The following NALF1 variants were observed in gnomAD, a reference collection of about 807,000 sequenced individuals.
NALF1 encodes NALCN channel auxiliary factor 1, also known as family with sequence similarity 155 member A.
A neutral mutation model predicts 48.4 loss-of-function variants in NALF1; 3 were observed. The ratio of observed to expected loss-of-function variants is 0.06; its 90% CI spans 0.03 to 0.16. The LOEUF (loss-of-function observed/expected upper bound fraction) is 0.16. Among genes scored for constraint, NALF1 ranks in the 10% least tolerant of loss-of-function variants. The pLI is 1.00. For synonymous variants in NALF1, 262 were observed against 245.7 expected, an observed-to-expected ratio of 1.07 and a Z score of -0.62; for missense variants, 526 against 571.5, an observed-to-expected ratio of 0.92 and a Z score of 0.81.
intron 1 of NALF1, among the ~76,000 whole-genome samples, chr13:107,254,902 G>C (rs1305744858): frequency 6.6e-6 from 1 of 152,160 alleles, no homozygotes; most frequent in Non-Finnish European, 1.5e-5. Flanking sequence ...ACACACAGTA[G>C]TGGTAAGTAA....
chr13:107,298,374 A>AG, intron 1 of NALF1, among the ~76,000 whole-genome samples: 1 of 149,594 alleles, frequency 6.7e-6, no homozygotes, highest in African/African-American at 2.4e-5. Context: ...AAAAAAAAAA[A>AG]AAAAAAGACA....
intron 1 of NALF1, among the ~76,000 whole-genome samples, chr13:107,452,936 G>T (rs80059780): frequency 0.038 from 5,738 of 152,264 alleles, 213 homozygotes; most frequent in African/African-American, 0.092. Flanking sequence ...GGGCAGTAAT[G>T]AAATCTTAAA....
intron 1 of NALF1, among the ~76,000 whole-genome samples, chr13:107,413,908 T>C (rs1254126284): frequency 6.6e-6 from 1 of 152,166 alleles, no homozygotes; most frequent in East Asian, 1.9e-4. Context: ...TGCCTCAGTC[T>C]CCCAAGCAGC....
intron 1 of NALF1, among the ~76,000 whole-genome samples, chr13:107,691,640 T>G (rs765245451): frequency 9.8e-5 from 15 of 152,348 alleles, no homozygotes; most frequent in Non-Finnish European, 1.5e-4. Flanking sequence ...ACTGTGCAAT[T>G]TATTCTCATA....
chr13:107,415,369 T>A (rs1884066874), intron 1 of NALF1, among the ~76,000 whole-genome samples: 1 of 143,786 alleles, frequency 7.0e-6, no homozygotes, highest in African/African-American at 2.5e-5. Context: ...CCGAGGGCCA[T>A]AAGGAGAGAG....
intron 1 of NALF1, among the ~76,000 whole-genome samples, chr13:107,369,290 T>TA (rs897911482): frequency 7.2e-5 from 11 of 152,200 alleles, no homozygotes; most frequent in African/African-American, 2.4e-4. Flanking sequence ...ATGTGCACTA[T>TA]AAAAAAATCT....
chr13:107,514,418 C>CTTATAT lies in NALF1; in HGVS notation c.916-303664_916-303663insATATAA, dbSNP rs1251818096. 1.1e-4 allele frequency among the ~76,000 whole-genome samples: 9 copies of CTTATAT among 80,072 alleles called. No individual in the cohort carries two copies. In the East Asian group the frequency reaches 2.6e-3, roughly 23 times the overall value. 52.5% of individuals were successfully genotyped at this position (80,072 alleles called of 152,430 possible). A position where few individuals can be genotyped will look rare whatever the true frequency, so the allele number is the denominator to read the frequency against. On this transcript the variant is annotated intron_variant, in intron 1 of 2. Coordinates refer to ENST00000375915, the MANE Select transcript of NALF1 (RefSeq NM_001080396.3). ...TGGGCCTATGATTTGAGAAGCTTCT[C>CTTATAT]CTATATCTATCTATCTATCTATCTA...
chr13:107,340,488 T>TCTTTCTTTCTTTCTTCTCTCTTTCTTTC (rs753373252), intron 1 of NALF1, among the ~76,000 whole-genome samples: 1 of 45,248 alleles, frequency 2.2e-5, no homozygotes, highest in Non-Finnish European at 7.1e-5. Flanking sequence ...TTTCTTTCTT[T>TCTTTCTTTCTTTCTTCTCTCTTTCTTTC]TTGTCTTTCT....
chr13:107,773,163 A>T (rs2138571779), intron 1 of NALF1, among the ~76,000 whole-genome samples: 1 of 152,290 alleles, frequency 6.6e-6, no homozygotes, highest in East Asian at 1.9e-4. Flanking sequence ...TGTTGTTAGA[A>T]GCTAGTTGAC....
intron 1 of NALF1, among the ~76,000 whole-genome samples, chr13:107,764,221 G>C (rs1215952784): frequency 1.3e-5 from 2 of 152,056 alleles, no homozygotes; most frequent in Non-Finnish European, 2.9e-5. Flanking sequence ...AAATTAAGTA[G>C]GTGATGTTTG....
intron 1 of NALF1, among the ~76,000 whole-genome samples, chr13:107,797,372 A>G (rs1281865098): frequency 6.6e-6 from 1 of 150,844 alleles, no homozygotes; most frequent in Non-Finnish European, 1.5e-5. Flanking sequence ...TGCCCGGCTA[A>G]TTTTTTTTTC....
At chr13:107,862,792 T>C (rs1051794640) in intron 1 of NALF1, among the ~76,000 whole-genome samples, 3 of 151,860 alleles carry the variant, frequency 2.0e-5, no homozygotes, top group Non-Finnish European at 4.4e-5. Flanking sequence ...TAAATCAAAA[T>C]GAAATTTAAT....
At chr13:107,513,156 T>C (rs1875951784) in intron 1 of NALF1, among the ~76,000 whole-genome samples, 1 of 152,152 alleles carries the variant, frequency 6.6e-6, no homozygotes, top group Non-Finnish European at 1.5e-5. Flanking sequence ...TTTTAGGGGT[T>C]TTCTTTTTGG....
chr13:107,785,049 T>C (rs1220312239), intron 1 of NALF1, among the ~76,000 whole-genome samples: 2 of 152,036 alleles, frequency 1.3e-5, no homozygotes, highest in African/African-American at 4.8e-5. Context: ...CTGTGGTGTG[T>C]GTGTATGTGT....
intron 1 of NALF1, among the ~76,000 whole-genome samples, chr13:107,299,435 C>CAATAATAATAATAATAATAATAAT (rs549026613): frequency 1.6e-5 from 2 of 124,146 alleles, no homozygotes; most frequent in Non-Finnish European, 1.7e-5. Flanking sequence ...GACTTTGTCT[C>CAATAATAATAATAATAATAATAAT]AATAATAATA....
chr13:107,825,265 G>C (rs1879479143), intron 1 of NALF1, among the ~76,000 whole-genome samples: 1 of 152,134 alleles, frequency 6.6e-6, no homozygotes, highest in Non-Finnish European at 1.5e-5. Context: ...GTCTGCTTTG[G>C]ATGTCCGAGT....
At chr13:107,681,965 G>A (rs546624592) in intron 1 of NALF1, among the ~76,000 whole-genome samples, 4 of 152,264 alleles carry the variant, frequency 2.6e-5, no homozygotes, top group South Asian at 4.1e-4. Flanking sequence ...GCATGTGCAC[G>A]TTGGACTCCT....
At chr13:107,358,175 TG>T (rs1283792770) in intron 1 of NALF1, among the ~76,000 whole-genome samples, 13 of 150,776 alleles carry the variant, frequency 8.6e-5, no homozygotes, top group Admixed American at 2.0e-4. Flanking sequence ...CATATGTGTG[TG>T]TGTGTGTGTG....
intron 1 of NALF1, among the ~76,000 whole-genome samples, chr13:107,658,614 C>T (rs575796797): frequency 6.6e-6 from 1 of 152,184 alleles, no homozygotes; most frequent in South Asian, 2.1e-4. Flanking sequence ...TTCTTGTCAT[C>T]ACTTTAAATT....
Sources: gnomAD v4.1 joint callset for allele counts (sites outside exome capture counted in the v4.1 genomes callset) on GRCh38, gnomAD v4.1.1 for gene constraint, MANE v1.5 for transcripts, NCBI Gene and HGNC (gene_info 2026-07-23, HGNC 2026-07-21) for gene names.